The following MAD1L1 variants were observed in gnomAD, a reference collection of about 807,000 sequenced individuals.
The protein encoded by MAD1L1 is mitotic spindle assembly checkpoint protein MAD1.
MAD1L1 carries 95 observed loss-of-function variants against 96.9 expected under a neutral mutation model. The ratio of observed to expected loss-of-function variants is 0.98; its 90% CI spans 0.83 to 1.16. The LOEUF (loss-of-function observed/expected upper bound fraction) is 1.16. Among genes scored for constraint, MAD1L1 ranks in the 50% most tolerant of loss-of-function variants. The pLI, the probability that MAD1L1 is intolerant of heterozygous loss-of-function variation, is 0.00. For synonymous variants in MAD1L1, 473 were observed against 396.6 expected (o/e 1.19, Z -2.29); for missense variants, 1,007 against 954.4 (o/e 1.06, Z -0.73).
intron 14 of MAD1L1, among the ~76,000 whole-genome samples, chr7:1,997,968 G>T (rs542500162): frequency 8.6e-5 from 1 of 11,600 alleles, no homozygotes; most frequent in South Asian, 9.6e-3. Flanking sequence ...TCTGCTTGGG[G>T]GCAATCCTCC....
intron 12 of MAD1L1, among the ~76,000 whole-genome samples, chr7:2,018,364 T>C (rs1186110727): frequency 6.6e-6 from 1 of 152,210 alleles, no homozygotes; most frequent in African/African-American, 2.4e-5. Flanking sequence ...AGGCGATGAA[T>C]GCACGGCAGC....
At chr7:1,892,904 C>T (rs1199523486) in intron 18 of MAD1L1, among the ~76,000 whole-genome samples, 2 of 152,226 alleles carry the variant, frequency 1.3e-5, no homozygotes, top group Non-Finnish European at 2.9e-5. Context: ...CACTCCACTT[C>T]TTCTTACCAC....
At chr7:1,906,055 A>G (rs1487068091) in intron 17 of MAD1L1, among the ~76,000 whole-genome samples, 3 of 149,878 alleles carry the variant, frequency 2.0e-5, no homozygotes, top group Non-Finnish European at 4.5e-5. Context: ...ATCTCAAAAA[A>G]AAAAAAAAAA....
intron 11 of MAD1L1, among the ~76,000 whole-genome samples, chr7:2,093,680 A>T (rs1786330193): frequency 6.6e-6 from 1 of 152,156 alleles, no homozygotes; most frequent in African/African-American, 2.4e-5. Context: ...GATCCGGCGA[A>T]CCTAGAAGAG....
chr7:2,227,979 C>T (rs1793992273), intron 3 of MAD1L1, among the ~76,000 whole-genome samples: 1 of 152,176 alleles, frequency 6.6e-6, no homozygotes, highest in Admixed American at 6.5e-5. Context: ...TTCCCCCGGC[C>T]TGCCATGTTC....
chr7:2,187,522 T>C (rs1242292524), intron 10 of MAD1L1, among the ~76,000 whole-genome samples: 1 of 152,214 alleles, frequency 6.6e-6, no homozygotes, highest in East Asian at 1.9e-4. Context: ...CAATGGCTAC[T>C]GACAGGCACA....
At chr7:2,004,459 T>C (rs1020803715) in intron 13 of MAD1L1, among the ~76,000 whole-genome samples, 3 of 152,232 alleles carry the variant, frequency 2.0e-5, no homozygotes, top group African/African-American at 7.2e-5. Context: ...CATGGCAACC[T>C]TGCAAGGTCA....
intron 14 of MAD1L1, among the ~76,000 whole-genome samples, chr7:1,985,220 C>A (rs543818231): frequency 6.6e-6 from 1 of 152,346 alleles, no homozygotes; most frequent in African/African-American, 2.4e-5. Flanking sequence ...CCTCCTCCAA[C>A]CCCTTGAGGC....
At chr7:1,936,605 C>T in intron 17 of MAD1L1, 82 bp downstream of exon 17, 2 of 1,402,204 alleles carry the variant, frequency 1.4e-6, no homozygotes, top group South Asian at 2.7e-5. Context: ...GCAGGGGCGC[C>T]TGAGGCTGCC....
intron 17 of MAD1L1, among the ~76,000 whole-genome samples, chr7:1,931,344 A>G (rs2128461150): frequency 6.6e-6 from 1 of 152,318 alleles, no homozygotes; most frequent in East Asian, 1.9e-4. Flanking sequence ...GAGAATGGGG[A>G]GGGGACAGCC....
intron 11 of MAD1L1, among the ~76,000 whole-genome samples, chr7:2,111,656 T>G (rs1431499637): frequency 6.6e-6 from 1 of 152,186 alleles, no homozygotes; most frequent in Non-Finnish European, 1.5e-5. Flanking sequence ...CCACAGCAAC[T>G]GTCTGACGCC....
intron 12 of MAD1L1, among the ~76,000 whole-genome samples, chr7:2,052,842 C>G (rs1784242425): frequency 6.6e-6 from 1 of 152,072 alleles, no homozygotes; most frequent in Non-Finnish European, 1.5e-5. Flanking sequence ...GGGGCCCCAG[C>G]CTGGAGCATG....
In MAD1L1 at chr7:1,916,331, C is replaced by T. The variant is rs531285279; in HGVS notation, c.1808-17941G>A. Among the ~76,000 whole-genome samples the T allele has an allele frequency of 4.4e-4, 67 of 152,332 alleles. 3 individuals carry two copies. In the South Asian group the frequency reaches 0.014, roughly 31 times the overall value. On this transcript the variant is annotated intron_variant, in intron 17 of 18. Coordinates refer to ENST00000265854, the MANE Select transcript of MAD1L1 (RefSeq NM_001013836.2). ...AACGTCCACAACGTCCACAGCATGA[C>T]TCATGACAGCCAAAAAGTGGAACCA...
At chr7:2,226,267 G>A (rs1562390772) in intron 3 of MAD1L1, among the ~76,000 whole-genome samples, 1 of 152,210 alleles carries the variant, frequency 6.6e-6, no homozygotes, top group East Asian at 1.9e-4. Flanking sequence ...AACCTACTCA[G>A]TATTGGACTG....
intron 15 of MAD1L1, among the ~76,000 whole-genome samples, chr7:1,966,312 T>A (rs1392946119): frequency 6.6e-6 from 1 of 152,032 alleles, no homozygotes; most frequent in East Asian, 1.9e-4. Flanking sequence ...CCCAAATTAC[T>A]CGGCACATGA....
At chr7:1,932,970 T>C (rs1459453945) in intron 17 of MAD1L1, among the ~76,000 whole-genome samples, 7 of 152,262 alleles carry the variant, frequency 4.6e-5, no homozygotes, top group African/African-American at 1.7e-4. Context: ...GCCTTCCCCC[T>C]GCTCACTGCT....
intron 18 of MAD1L1, among the ~76,000 whole-genome samples, chr7:1,897,169 C>G (rs562715384): frequency 6.6e-6 from 1 of 152,390 alleles, no homozygotes; most frequent in South Asian, 2.1e-4. Flanking sequence ...CGGGCTAAGG[C>G]TGAATCAGAC....
At position 1,918,314 on chromosome 7, in the gene MAD1L1, C is replaced by T. The variant is rs545729980; in HGVS notation, c.1807+18373G>A. Among the ~76,000 whole-genome samples, 9 of 152,330 alleles carry T rather than the reference C, an allele frequency of 5.9e-5. No homozygotes were observed. The South Asian group carries it at 1.7e-3, about 28-fold the overall frequency. ...CTCAGCCCCAGCGCAGTCCCCTCCC[C>T]ACACCTCTGCTGACTTCTCACTGGT... is the stretch of plus-strand genomic sequence containing the variant. On this transcript the variant is annotated intron_variant, in intron 17 of 18. Transcript: ENST00000265854.
At chr7:2,111,989 C>G (rs1247504848) in intron 11 of MAD1L1, among the ~76,000 whole-genome samples, 4 of 152,294 alleles carry the variant, frequency 2.6e-5, no homozygotes, top group Middle Eastern at 3.4e-3. Flanking sequence ...TCACCAAACC[C>G]AGAAACAATA....
Sources: allele counts gnomAD v4.1 joint callset (sites outside exome capture counted in the v4.1 genomes callset), GRCh38; gene constraint gnomAD v4.1.1; transcripts MANE v1.5; gene names NCBI Gene and HGNC (gene_info 2026-07-23, HGNC 2026-07-21).